The following ZNF7 variants were observed in gnomAD, a reference collection of about 807,000 sequenced individuals.
The protein encoded by ZNF7 is C2-H2 type zinc finger protein.
Under a neutral mutation model 12.0 loss-of-function variants are expected in ZNF7, and 10 were observed. That is an observed-to-expected ratio of 0.83 (90% confidence interval 0.51 to 1.42). The LOEUF is 1.42. Ranked by LOEUF, ZNF7 falls within the 40% of genes most tolerant of loss-of-function variation. The pLI is 0.00. For missense variants in ZNF7, 854 were observed against 837.2 expected (o/e 1.02, Z -0.25); for synonymous variants, 334 against 295.0 (o/e 1.13, Z -1.35).
chr8:144,845,859 G>C, downstream of ZNF7: 1 of 931,228 alleles, frequency 1.1e-6, no homozygotes, highest in Admixed American at 2.4e-5. Flanking sequence ...GAGTATGTGT[G>C]CAGTGTCCCT....
intron 3 of ZNF7, chr8:144,830,908 GT>G (rs1425917665): frequency 4.4e-6 from 2 of 457,822 alleles, no homozygotes; most frequent in Non-Finnish European, 8.8e-6. Context: ...CGGAGTAAGG[GT>G]ACTTCTAATG....
intron 1 of ZNF7, among the ~76,000 whole-genome samples, chr8:144,828,487 C>A (rs1340915091): frequency 6.6e-6 from 1 of 152,192 alleles, no homozygotes; most frequent in Non-Finnish European, 1.5e-5. Flanking sequence ...CCCTTGCTGC[C>A]GGGAATTTAC....
At chr8:144,844,854 G>T (rs1367662162), downstream of ZNF7, among the ~76,000 whole-genome samples, 4 of 151,762 alleles carry the variant, frequency 2.6e-5, no homozygotes, top group African/African-American at 9.7e-5. Flanking sequence ...GTTGAGTGAA[G>T]AACTTGGGGT....
At chr8:144,831,014 G>A (rs1468588913) in intron 3 of ZNF7, 1 of 456,320 alleles carries the variant, frequency 2.2e-6, no homozygotes, top group Non-Finnish European at 4.4e-6. Context: ...GCCATCTAGA[G>A]GTGCTGCAGC....
chr8:144,828,010 C>G (rs940341124), intron 1 of ZNF7: 1 of 152,284 alleles, frequency 6.6e-6, no homozygotes, highest in African/African-American at 2.4e-5. Context: ...CCCGGAAGGC[C>G]TAGGATAAGT....
chr8:144,846,511 C>T (rs1437515042), downstream of ZNF7: 1 of 228,398 alleles, frequency 4.4e-6, no homozygotes, highest in Non-Finnish European at 8.7e-6. Context: ...AGCCAAGTCA[C>T]CTTGAACTTG....
chr8:144,842,488 A>G lies in ZNF7; in HGVS notation c.1381A>G (p.Arg461Gly). Residue 461 changes from arginine to glycine, a missense_variant, in exon 5 of 5, where the codon AGA becomes GGA. Arg to Gly is a moderately radical substitution (Grantham distance 125). Transcript: ENST00000532777. ...TAGTTCACGGCTTATTCGCCATCAG[A>G]GAACTCACACTGGAGAAAAACCATT... is the stretch of plus-strand genomic sequence containing the variant. ...GCSSRLIRHQ[R>G]THTGEKPFKC... is the part of the protein sequence containing the mutation. 1 of 1,614,216 alleles carries G rather than the reference A, an allele frequency of 6.2e-7. No homozygotes were observed. Among genetic ancestry groups the G allele is most frequent in the Non-Finnish European group, 8.5e-7 (1 of 1,180,048 alleles).
chr8:144,837,799 T>TA (rs1294730134), intron 4 of ZNF7, among the ~76,000 whole-genome samples: 4 of 152,214 alleles, frequency 2.6e-5, no homozygotes, highest in Non-Finnish European at 5.9e-5. Flanking sequence ...ATTTTACTCA[T>TA]ACTTTCGTTA....
chr8:144,845,423 G>A (rs1830458451), downstream of ZNF7, among the ~76,000 whole-genome samples: 1 of 152,064 alleles, frequency 6.6e-6, no homozygotes, highest in East Asian at 1.9e-4. Context: ...TTGAGAAGTG[G>A]CCCAGGTGGA....
intron 4 of ZNF7, among the ~76,000 whole-genome samples, chr8:144,840,759 G>A (rs976148995): frequency 1.4e-4 from 22 of 152,118 alleles, no homozygotes; most frequent in Admixed American, 3.9e-4. Context: ...AGGGGAGGTG[G>A]CCAGGTGCAA....
At chr8:144,836,001 A>T (rs1205373124) in intron 3 of ZNF7, 2 of 152,306 alleles carry the variant, frequency 1.3e-5, no homozygotes, top group South Asian at 4.1e-4. Flanking sequence ...TGAACTTACT[A>T]TTTACCTCAT....
At chr8:144,843,855 G>A (rs1301607452), downstream of ZNF7, 1 of 152,174 alleles carries the variant, frequency 6.6e-6, no homozygotes, top group Non-Finnish European at 1.5e-5. Flanking sequence ...ATACGGAAAT[G>A]CATTAGCTCA....
intron 4 of ZNF7, chr8:144,838,147 G>A: frequency 2.8e-6 from 2 of 702,972 alleles, no homozygotes; most frequent in South Asian, 3.0e-5. Context: ...TTGGCTTGTG[G>A]ATGCGTCCCT....
At chr8:144,835,117 TTGG>T (rs1828845790) in intron 3 of ZNF7, 2 of 152,214 alleles carry the variant, frequency 1.3e-5, no homozygotes. Flanking sequence ...CAAGTAGAAC[TTGG>T]TGGAGCTAAT....
At chr8:144,846,107 TCTC>T (rs138139928), downstream of ZNF7, 6,955 of 1,536,426 alleles carry the variant, frequency 4.5e-3, 272 homozygotes, top group African/African-American at 0.087. Context: ...GCTCTCGTCA[TCTC>T]CTCTTGGCCA....
chr8:144,833,091 A>G (rs1828625445), intron 3 of ZNF7, among the ~76,000 whole-genome samples: 1 of 151,678 alleles, frequency 6.6e-6, no homozygotes, highest in African/African-American at 2.4e-5. Context: ...CCAGCTACTC[A>G]GAAGGCTGAG....
At chr8:144,829,640 A>T in intron 3 of ZNF7, 36 bp downstream of exon 3, 1 of 1,580,826 alleles carries the variant, frequency 6.3e-7, no homozygotes, top group East Asian at 2.3e-5. Context: ...CCCCTGCATC[A>T]TCAGTCAGCA....
At chr8:144,844,735 A>AAAAG (rs1830411658), downstream of ZNF7, among the ~76,000 whole-genome samples, 1 of 148,578 alleles carries the variant, frequency 6.7e-6, no homozygotes, top group African/African-American at 2.5e-5. Flanking sequence ...AAAAAAAAAA[A>AAAAG]ACGAAAATGG....
At chr8:144,827,792 C>A in intron 1 of ZNF7, 183 bp downstream of exon 1, 1 of 672,400 alleles carries the variant, frequency 1.5e-6, no homozygotes, top group Non-Finnish European at 1.8e-6. Context: ...GCCCAGCCAC[C>A]CTCCCCCGCG....
Sources: allele counts gnomAD v4.1 joint callset (sites outside exome capture counted in the v4.1 genomes callset), GRCh38; gene constraint gnomAD v4.1.1; transcripts MANE v1.5; gene names NCBI Gene and HGNC (gene_info 2026-07-23, HGNC 2026-07-21).